Variants in ANKH observed in about 807,000 individuals in gnomAD.
ANKH encodes the protein mineralization regulator ANKH.
Under a neutral mutation model 49.0 loss-of-function variants are expected in ANKH, and 15 were observed. That is an observed-to-expected ratio of 0.31 (90% confidence interval 0.20 to 0.47). The LOEUF (loss-of-function observed/expected upper bound fraction) is 0.47, where lower values mean the gene tolerates loss of function less well. ANKH is among the 20% of genes least tolerant of loss of function. The probability of loss-of-function intolerance (pLI) is 1.00; values close to 1 mark genes in which losing one functional copy is unlikely to be tolerated. For missense variants in ANKH, 429 were observed against 652.0 expected, an observed-to-expected ratio of 0.66 and a Z score of 3.72; for synonymous variants, 273 against 260.0, an observed-to-expected ratio of 1.05 and a Z score of -0.48.
At chr5:14,715,102 C>T (rs1002549748) in intron 9 of ANKH, among the ~76,000 whole-genome samples, 31 of 152,240 alleles carry the variant, frequency 2.0e-4, no homozygotes, top group Non-Finnish European at 2.8e-4. Context: ...TCCATCAGCC[C>T]TGGCCTACCT....
At chr5:14,830,525 G>GTGTGTGTC (rs1741475017) in intron 1 of ANKH, among the ~76,000 whole-genome samples, 1 of 151,644 alleles carries the variant, frequency 6.6e-6, no homozygotes, top group South Asian at 2.1e-4. Context: ...GTGTGTGTGT[G>GTGTGTGTC]TGTGTGTGTG....
chr5:14,841,963 CA>C (rs1170015816), intron 1 of ANKH, among the ~76,000 whole-genome samples: 1 of 151,982 alleles, frequency 6.6e-6, no homozygotes, highest in Non-Finnish European at 1.5e-5. Context: ...GTGTCAATTC[CA>C]AAGTTCTAGG....
In ANKH at chr5:14,831,606, G is replaced by T. The variant is rs548033491; in HGVS notation, c.96+39746C>A. 3.9e-5 allele frequency among the ~76,000 whole-genome samples: 6 copies of T among 152,220 alleles called. No individual in the cohort carries two copies. The South Asian group carries it at 1.2e-3, about 32-fold the overall frequency. On this transcript the variant is annotated intron_variant, in intron 1 of 11. Coordinates refer to ENST00000284268, the MANE Select transcript of ANKH (RefSeq NM_054027.6). ...ATCCATGGTCAAATGCTCAAGGGGG[G>T]CCCTGCACACCATCCACACCAGAGA...
intron 1 of ANKH, among the ~76,000 whole-genome samples, chr5:14,829,410 GC>G (rs1481914197): frequency 6.6e-6 from 1 of 152,124 alleles, no homozygotes; most frequent in Non-Finnish European, 1.5e-5. Flanking sequence ...ACAATCAAAA[GC>G]TGAATGTGCT....
At chr5:14,749,352 G>A (rs1738640028) in intron 5 of ANKH, 46 bp from the exon 6 acceptor site, 3 of 1,609,314 alleles carry the variant, frequency 1.9e-6, no homozygotes, top group Admixed American at 3.3e-5. Context: ...TCTAGAAGCA[G>A]AATGGAAAAA....
chr5:14,750,541 T>C (rs1418969493), intron 5 of ANKH, among the ~76,000 whole-genome samples: 1 of 152,212 alleles, frequency 6.6e-6, no homozygotes, highest in Admixed American at 6.5e-5. Flanking sequence ...CCAGATGGGA[T>C]ATGATGCTGC....
Position 14,798,485 on chromosome 5 carries a change from G to GCC in ANKH, c.97-29295_97-29294insGG, listed in dbSNP as rs1740462142. 1.2e-5 allele frequency: 12 copies of GCC among 983,848 alleles called. 1 individual carries two copies. Among genetic ancestry groups the GCC allele is most frequent in the Admixed American group, 3.5e-5 (1 of 28,206 alleles). The allele number at this position is 983,848 out of a possible 1,614,324, so 60.9% of individuals were successfully genotyped here. A position where few individuals can be genotyped will look rare whatever the true frequency, so the allele number is the denominator to read the frequency against. ...TGCAGGCGTTCGCTCTGCGCACGCG[G>GCC]TCTCTATTTTTTTTTTTAATTAACA... On this transcript the variant is annotated intron_variant, in intron 1 of 11. Transcript: ENST00000284268.
chr5:14,723,690 T>A (rs1737739073), intron 8 of ANKH, among the ~76,000 whole-genome samples: 1 of 152,182 alleles, frequency 6.6e-6, no homozygotes, highest in Non-Finnish European at 1.5e-5. Flanking sequence ...ATAATTCACT[T>A]CTCTGTTATT....
intron 7 of ANKH, among the ~76,000 whole-genome samples, chr5:14,743,766 G>A (rs562453004): frequency 6.6e-6 from 1 of 152,338 alleles, no homozygotes; most frequent in East Asian, 1.9e-4. Flanking sequence ...GTTTTAAAAG[G>A]ATTTGGAGTA....
At chr5:14,842,391 C>A (rs900460077) in intron 1 of ANKH, among the ~76,000 whole-genome samples, 10 of 152,132 alleles carry the variant, frequency 6.6e-5, no homozygotes, top group Non-Finnish European at 1.2e-4. Context: ...CCAAGGAATA[C>A]CCCAATGAGA....
At chr5:14,712,291 T>G (rs1434236403) in intron 11 of ANKH, among the ~76,000 whole-genome samples, 1 of 152,238 alleles carries the variant, frequency 6.6e-6, no homozygotes, top group Non-Finnish European at 1.5e-5. Flanking sequence ...GCTACTCTCT[T>G]GACCAACTGT....
At chr5:14,827,759 T>C (rs1259215775) in intron 1 of ANKH, among the ~76,000 whole-genome samples, 10 of 152,012 alleles carry the variant, frequency 6.6e-5, no homozygotes, top group Non-Finnish European at 1.3e-4. Flanking sequence ...CCTATTTTTT[T>C]TGGGAGATTC....
intron 8 of ANKH, among the ~76,000 whole-genome samples, chr5:14,722,633 T>A (rs1351110481): frequency 6.6e-6 from 1 of 152,156 alleles, no homozygotes; most frequent in Admixed American, 6.5e-5. Flanking sequence ...AGTACAGTAT[T>A]GAATTATATC....
intron 8 of ANKH, among the ~76,000 whole-genome samples, chr5:14,720,433 G>A (rs559102507): frequency 1.3e-5 from 2 of 152,318 alleles, no homozygotes; most frequent in African/African-American, 4.8e-5. Context: ...CACAGTCATA[G>A]CCCTGGTATG....
intron 1 of ANKH, among the ~76,000 whole-genome samples, chr5:14,820,045 C>T (rs1436572952): frequency 2.0e-5 from 3 of 152,080 alleles, no homozygotes; most frequent in Non-Finnish European, 2.9e-5. Context: ...TAAGATCTCA[C>T]TCCTGTAGAA....
rs530406395 is a variant in ANKH, at chr5:14,810,075, T to TA, written c.97-40885_97-40884insT. Reference sequence around the variant, plus strand: ...CGGCACCACAGATAGCTTCTGCGTTTCTCTACAGGAGGGAAGAAGCAATTT... The same window carrying TA: ...CGGCACCACAGATAGCTTCTGCGTTTACTCTACAGGAGGGAAGAAGCAATTT... On this transcript the variant is annotated intron_variant, in intron 1 of 11. Coordinates refer to ENST00000284268, the MANE Select transcript of ANKH (RefSeq NM_054027.6). Among the ~76,000 whole-genome samples, 22 of 152,210 alleles carry TA rather than the reference T, an allele frequency of 1.4e-4. 1 individual carries two copies. The East Asian group carries it at 3.7e-3, about 25-fold the overall frequency.
intron 8 of ANKH, among the ~76,000 whole-genome samples, chr5:14,722,547 A>T (rs1737702705): frequency 6.6e-6 from 1 of 152,246 alleles, no homozygotes; most frequent in African/African-American, 2.4e-5. Context: ...GAATGGGAAC[A>T]CGGCAAAGGG....
intron 1 of ANKH, among the ~76,000 whole-genome samples, chr5:14,786,517 G>C (rs529783287): frequency 7.2e-5 from 11 of 152,298 alleles, no homozygotes; most frequent in Admixed American, 4.6e-4. Context: ...ACTTGCCTTA[G>C]CAGATATTTA....
intron 2 of ANKH, among the ~76,000 whole-genome samples, chr5:14,759,844 GGAAGGAAAGGGAAGGAAAGA>G (rs1040887350): frequency 2.4e-5 from 2 of 84,478 alleles, no homozygotes; most frequent in Admixed American, 1.4e-4. Flanking sequence ...GGAAGGGAAG[GGAAGGAAAGGGAAGGAAAGA>G]GAAGGAAAGG....
Sources: gnomAD v4.1 joint callset for allele counts (sites outside exome capture counted in the v4.1 genomes callset) on GRCh38, gnomAD v4.1.1 for gene constraint, MANE v1.5 for transcripts, NCBI Gene and HGNC (gene_info 2026-07-23, HGNC 2026-07-21) for gene names.